HS6ST3: variants seen among roughly 807,000 people sequenced by gnomAD.
HS6ST3 encodes heparan sulfate 6-O-sulfotransferase 3.
In HS6ST3, 12 loss-of-function variants were observed where a neutral mutation model predicts 36.7. That is an observed-to-expected ratio of 0.33 (90% confidence interval 0.21 to 0.53). The LOEUF is 0.53. Ranked by LOEUF, HS6ST3 falls within the 20% of genes least tolerant of loss-of-function variation. HS6ST3 has a pLI of 0.95. For synonymous variants in HS6ST3, 240 were observed against 257.5 expected (o/e 0.93, Z 0.65); for missense variants, 584 against 640.9 (o/e 0.91, Z 0.96).
In HS6ST3 at chr13:96,262,919, G is replaced by A. The variant is rs571509550; in HGVS notation, c.707+171350G>A. On this transcript the variant is annotated intron_variant, in intron 1 of 1. Coordinates refer to ENST00000376705, the MANE Select transcript of HS6ST3 (RefSeq NM_153456.4). The stretch of plus-strand genomic sequence containing the variant: ...TCTTAACTTGTTTTATACCTCAGAC[G>A]TATTTGTTCATCTGTGGTAGCTTAT... Among the ~76,000 whole-genome samples the A allele has an allele frequency of 7.8e-4, 119 of 152,160 alleles. 1 individual carries two copies. The highest frequency in any genetic ancestry group is 2.6e-3 in the African/African-American group (109 of 41,532).
At position 96,833,114 on chromosome 13, in the gene HS6ST3, C is replaced by G; in HGVS notation, c.1332C>G (p.His444Gln). ...AGGAGCGGAGGCTGCAGCGAGAGCA[C>G]AGGGACCACCAGTGGCCCAAAGAAG... ...RREERRLQRE[H>Q]RDHQWPKEDG... Residue 444 changes from histidine to glutamine, a missense_variant, in exon 2 of 2, where the codon CAC (histidine) becomes CAG (glutamine). This residue lies in a region of HS6ST3 where 360 missense variants were observed against 411.3 expected (regional missense o/e 0.88). Transcript: ENST00000376705. 1.2e-6 allele frequency: 2 copies of G among 1,603,888 alleles called. No individual in the cohort carries two copies. The highest frequency in any genetic ancestry group is 1.3e-5 in the African/African-American group (1 of 75,048).
chr13:96,208,423 C>T (rs1174367907), intron 1 of HS6ST3, among the ~76,000 whole-genome samples: 1 of 152,078 alleles, frequency 6.6e-6, no homozygotes, highest in African/African-American at 2.4e-5. Flanking sequence ...GGTACATAAG[C>T]AATTCTTTCT....
intron 1 of HS6ST3, among the ~76,000 whole-genome samples, chr13:96,282,992 GT>G (rs2054783072): frequency 6.6e-6 from 1 of 152,172 alleles, no homozygotes; most frequent in Non-Finnish European, 1.5e-5. Flanking sequence ...CTCTACAGCT[GT>G]CCCCAGTTCC....
At chr13:96,641,821 T>G (rs1037481826) in intron 1 of HS6ST3, among the ~76,000 whole-genome samples, 33 of 151,916 alleles carry the variant, frequency 2.2e-4, no homozygotes, top group African/African-American at 8.0e-4. Flanking sequence ...ACTGTTATTG[T>G]AAAAGAAATT....
intron 1 of HS6ST3, among the ~76,000 whole-genome samples, chr13:96,537,433 G>T (rs1046358745): frequency 6.6e-6 from 1 of 152,128 alleles, no homozygotes. Flanking sequence ...TCTATAATGA[G>T]AGGCATAACA....
At chr13:96,576,943 CAAAAAAAAAAAAA>C (rs1157924077) in intron 1 of HS6ST3, among the ~76,000 whole-genome samples, 9 of 26,850 alleles carry the variant, frequency 3.4e-4, no homozygotes, top group Non-Finnish European at 4.6e-4. Context: ...GACTCTGTCT[CAAAAAAAAAAAAA>C]AAAAAAAAAA....
intron 1 of HS6ST3, among the ~76,000 whole-genome samples, chr13:96,553,990 G>A (rs186453637): frequency 2.3e-3 from 356 of 152,244 alleles, no homozygotes; most frequent in African/African-American, 8.3e-3. Flanking sequence ...GCGTGCGTGC[G>A]TGCATGTGTG....
At chr13:96,435,524 A>G (rs2055637154) in intron 1 of HS6ST3, among the ~76,000 whole-genome samples, 1 of 152,062 alleles carries the variant, frequency 6.6e-6, no homozygotes, top group African/African-American at 2.4e-5. Context: ...GTGCCTTTGG[A>G]CATATTACCA....
At chr13:96,560,990 A>G (rs2138955186) in intron 1 of HS6ST3, among the ~76,000 whole-genome samples, 1 of 152,180 alleles carries the variant, frequency 6.6e-6, no homozygotes, top group Non-Finnish European at 1.5e-5. Flanking sequence ...ATTCAACACT[A>G]TTTCTATCAA....
intron 1 of HS6ST3, among the ~76,000 whole-genome samples, chr13:96,184,460 G>A (rs1300536212): frequency 3.3e-5 from 5 of 151,952 alleles, no homozygotes; most frequent in Admixed American, 6.5e-5. Flanking sequence ...CCATCCCTGC[G>A]TCTTGGTGAC....
intron 1 of HS6ST3, among the ~76,000 whole-genome samples, chr13:96,246,344 G>T (rs550041356): frequency 1.3e-5 from 2 of 152,240 alleles, no homozygotes; most frequent in Non-Finnish European, 2.9e-5. Context: ...TGCAATAGAA[G>T]AAAATTAGGT....
intron 1 of HS6ST3, among the ~76,000 whole-genome samples, chr13:96,286,434 C>G (rs2054802890): frequency 6.6e-6 from 1 of 152,050 alleles, no homozygotes. Context: ...TGTTTAACAT[C>G]CTGTAAAAAT....
At chr13:96,577,413 C>T (rs901378311) in intron 1 of HS6ST3, among the ~76,000 whole-genome samples, 2 of 152,098 alleles carry the variant, frequency 1.3e-5, no homozygotes, top group Non-Finnish European at 2.9e-5. Flanking sequence ...CCAGTCTATC[C>T]TTGATGTAGA....
chr13:96,279,348 T>A (rs972437223), intron 1 of HS6ST3, among the ~76,000 whole-genome samples: 39 of 152,292 alleles, frequency 2.6e-4, no homozygotes, highest in African/African-American at 9.1e-4. Flanking sequence ...TACTATACGC[T>A]GGGTACGGTG....
intron 1 of HS6ST3, among the ~76,000 whole-genome samples, chr13:96,184,118 T>TA (rs535024960): frequency 1.8e-4 from 27 of 150,692 alleles, no homozygotes; most frequent in Non-Finnish European, 3.4e-4. Context: ...GGAGAATCGT[T>TA]TGAACCTGGC....
At chr13:96,226,067 G>C (rs895734311) in intron 1 of HS6ST3, among the ~76,000 whole-genome samples, 2 of 152,126 alleles carry the variant, frequency 1.3e-5, no homozygotes, top group Non-Finnish European at 2.9e-5. Context: ...ACAACCTCAA[G>C]TGTCACTTTA....
At chr13:96,607,899 G>A (rs893942226) in intron 1 of HS6ST3, among the ~76,000 whole-genome samples, 3 of 152,088 alleles carry the variant, frequency 2.0e-5, no homozygotes, top group African/African-American at 7.2e-5. Flanking sequence ...TTTTAAATGC[G>A]TACTTCCCAG....
intron 1 of HS6ST3, among the ~76,000 whole-genome samples, chr13:96,628,005 G>A (rs2138999094): frequency 6.6e-6 from 1 of 151,488 alleles, no homozygotes. Flanking sequence ...TTGTCTATTT[G>A]TTTTCCAGTT....
intron 1 of HS6ST3, among the ~76,000 whole-genome samples, chr13:96,631,022 TTAAA>T (rs2056530386): frequency 6.6e-6 from 1 of 152,160 alleles, no homozygotes; most frequent in African/African-American, 2.4e-5. Context: ...TACTCAGATG[TTAAA>T]TAAAGACAGA....
Sources: gnomAD v4.1 joint callset for allele counts (sites outside exome capture counted in the v4.1 genomes callset) on GRCh38, gnomAD v4.1.1 for gene constraint, gnomAD v4.1.1 regional missense constraint, MANE v1.5 for transcripts, NCBI Gene and HGNC (gene_info 2026-07-23, HGNC 2026-07-21) for gene names.